The following ACER2 variants were observed in gnomAD, a reference collection of about 807,000 sequenced individuals.
ACER2 encodes the protein alkaline ceramidase 2, also known as alkCDase 2.
ACER2 carries 26 observed loss-of-function variants against 34.7 expected under a neutral mutation model. That is an observed-to-expected ratio of 0.75 (90% CI 0.55 to 1.04). The LOEUF (loss-of-function observed/expected upper bound fraction) is 1.04, where lower values mean the gene tolerates loss of function less well. ACER2 is among the 50% of genes least tolerant of loss of function. The pLI, the probability that ACER2 is intolerant of heterozygous loss-of-function variation, is 0.00. For synonymous variants in ACER2, 138 were observed against 132.1 expected (o/e 1.04, Z -0.31); for missense variants, 352 against 340.8 (o/e 1.03, Z -0.26).
intron 1 of ACER2, among the ~76,000 whole-genome samples, chr9:19,415,544 A>C (rs1006984052): frequency 2.6e-5 from 4 of 151,900 alleles, no homozygotes; most frequent in African/African-American, 9.7e-5. Flanking sequence ...AAAAATTAAA[A>C]ATTAAAAAAA....
chr9:19,451,186 T>C lies in ACER2; in HGVS notation c.*550T>C, dbSNP rs1831558193. 1.3e-5 allele frequency: 2 copies of C among 152,284 alleles called. No individual in the cohort carries two copies. Among genetic ancestry groups the C allele is most frequent in the South Asian group, 4.1e-4 (2 of 4,834 alleles). The allele number at this position is 152,284 out of a possible 1,614,324, so 9.4% of individuals were successfully genotyped here. On this transcript the variant is annotated 3_prime_UTR_variant, in exon 6 of 6. Coordinates refer to ENST00000340967, the MANE Select transcript of ACER2 (RefSeq NM_001010887.3). ...GATCCAGCCCTGTACAATGCATCTC[T>C]TCCTGGAGAAAGCTGGCCTGCTCCA...
intron 5 of ACER2, among the ~76,000 whole-genome samples, chr9:19,447,041 G>A (rs567936442): frequency 9.2e-5 from 14 of 151,852 alleles, no homozygotes; most frequent in African/African-American, 3.4e-4. Context: ...AAAAAAAAGC[G>A]GGTTACAAAA....
At chr9:19,423,546 C>T (rs1290847455) in intron 1 of ACER2, among the ~76,000 whole-genome samples, 1 of 152,042 alleles carries the variant, frequency 6.6e-6, no homozygotes, top group African/African-American at 2.4e-5. Context: ...ACTAAAAATA[C>T]AAAGATGAGC....
chr9:19,437,170 A>C (rs575160154), intron 4 of ACER2, among the ~76,000 whole-genome samples: 1 of 152,196 alleles, frequency 6.6e-6, no homozygotes, highest in Non-Finnish European at 1.5e-5. Flanking sequence ...GTCCAGTTTC[A>C]TATTCCCAGC....
chr9:19,446,320 G>A lies in ACER2; in HGVS notation c.543G>A (p.Ser181=), dbSNP rs143407638. ...NMRVFKLGLF[S]GLWWTLALFC... ...GTGTGTTTAAGCTGGGCCTCTTCTC[G>A]GGCCTCTGGTGGACCCTGGCCCTGT... Residue 181 remains serine, a synonymous_variant, in exon 5 of 6, where the codon TCG becomes TCA. Coordinates refer to ENST00000340967, the MANE Select transcript of ACER2 (RefSeq NM_001010887.3). 491 of 1,614,146 alleles carry A rather than the reference G, an allele frequency of 3.0e-4. No homozygotes were observed. The highest frequency in any genetic ancestry group is 3.7e-4 in the Non-Finnish European group (442 of 1,180,040).
chr9:19,434,864 T>G (rs1830908728), intron 3 of ACER2, 83 bp from the exon 4 acceptor site: 1 of 1,551,046 alleles, frequency 6.4e-7, no homozygotes, highest in African/African-American at 1.4e-5. Context: ...TTTCTGGCAA[T>G]GCCTGTACCT....
At chr9:19,419,076 A>G (rs540637049) in intron 1 of ACER2, among the ~76,000 whole-genome samples, 18 of 152,230 alleles carry the variant, frequency 1.2e-4, no homozygotes, top group Admixed American at 7.2e-4. Context: ...CTGTAATCCC[A>G]GCTACTTGGA....
chr9:19,428,081 C>CCTTTCCTTTCCTTTCCTTTCCT, intron 3 of ACER2, among the ~76,000 whole-genome samples: 1 of 100,838 alleles, frequency 9.9e-6, no homozygotes, highest in East Asian at 3.4e-4. Context: ...TCCTTTCCTT[C>CCTTTCCTTTCCTTTCCTTTCCT]TCTCTCTCTC....
chr9:19,432,550 A>G lies in ACER2; in HGVS notation c.366-2397A>G, dbSNP rs964608470. 1.5e-4 allele frequency among the ~76,000 whole-genome samples: 22 copies of G among 143,694 alleles called. No individual in the cohort carries two copies. In the East Asian group the frequency reaches 3.2e-3, roughly 21 times the overall value. The allele number at this position is 143,694 out of a possible 152,430, so 94.3% of individuals were successfully genotyped here. On this transcript the variant is annotated intron_variant, in intron 3 of 5. Coordinates refer to ENST00000340967, the MANE Select transcript of ACER2 (RefSeq NM_001010887.3). ...TAGGACCTGCAAAACCTATATATAT[A>G]TGTGTGTGTGTGTGGGTGTATGTGT...
chr9:19,428,518 T>C (rs1465383565), intron 3 of ACER2, among the ~76,000 whole-genome samples: 1 of 152,004 alleles, frequency 6.6e-6, no homozygotes, highest in Non-Finnish European at 1.5e-5. Context: ...ATGTGAGATT[T>C]TTGGAGAAGA....
chr9:19,420,988 A>T (rs75725250), intron 1 of ACER2, among the ~76,000 whole-genome samples: 4,487 of 152,252 alleles, frequency 0.029, 223 homozygotes, highest in African/African-American at 0.1. Flanking sequence ...AACATTATAG[A>T]CCATACTTAC....
chr9:19,425,110 G>A (rs1830521816), intron 3 of ACER2, among the ~76,000 whole-genome samples: 1 of 152,194 alleles, frequency 6.6e-6, no homozygotes, highest in Admixed American at 6.5e-5. Context: ...GAATTAGCAA[G>A]AGTGGAAAGA....
intron 1 of ACER2, among the ~76,000 whole-genome samples, chr9:19,410,074 T>G (rs897443428): frequency 1.7e-4 from 26 of 152,184 alleles, no homozygotes; most frequent in African/African-American, 6.3e-4. Flanking sequence ...TGGCTTATCT[T>G]TTCACCGCCC....
chr9:19,410,337 C>G (rs1446893815), intron 1 of ACER2, among the ~76,000 whole-genome samples: 1 of 152,294 alleles, frequency 6.6e-6, no homozygotes, highest in South Asian at 2.1e-4. Flanking sequence ...TGGGCCCTTC[C>G]TTCCCTCAGT....
At chr9:19,423,039 AAAAAAAAAAAAAGT>A (rs2132474897) in intron 1 of ACER2, among the ~76,000 whole-genome samples, 1 of 147,904 alleles carries the variant, frequency 6.8e-6, no homozygotes, top group African/African-American at 2.7e-5. Context: ...TCTCAAAAAA[AAAAAAAAAAAAAGT>A]AAATGGAGCC....
chr9:19,424,433 G>T (rs1830498907), intron 2 of ACER2: 1 of 985,274 alleles, frequency 1.0e-6, no homozygotes, highest in African/African-American at 1.7e-5. Context: ...TCCCAGAAAG[G>T]CTCAGTGGAT....
chr9:19,431,976 C>T (rs1196856509), intron 3 of ACER2, among the ~76,000 whole-genome samples: 1 of 152,206 alleles, frequency 6.6e-6, no homozygotes, highest in Non-Finnish European at 1.5e-5. Flanking sequence ...TCAGGAAAAT[C>T]ATGTACTCCT....
At chr9:19,410,045 C>G (rs553155226) in intron 1 of ACER2, 1 of 679,290 alleles carries the variant, frequency 1.5e-6, no homozygotes, top group Non-Finnish European at 1.8e-6. Flanking sequence ...GAATGTGAGA[C>G]TTTGCGTGGT....
chr9:19,430,989 A>T (rs533521861), intron 3 of ACER2, among the ~76,000 whole-genome samples: 1 of 149,474 alleles, frequency 6.7e-6, no homozygotes. Flanking sequence ...AACCCAACAA[A>T]ACCAAACAAC....
Sources: allele counts gnomAD v4.1 joint callset (sites outside exome capture counted in the v4.1 genomes callset), GRCh38; gene constraint gnomAD v4.1.1; transcripts MANE v1.5; gene names NCBI Gene and HGNC (gene_info 2026-07-23, HGNC 2026-07-21).